The following CHST1 variants were observed in gnomAD, a reference collection of about 807,000 sequenced individuals.
The protein encoded by CHST1 is Keratan sulfotransferase.
In CHST1, 10 loss-of-function variants were observed where a neutral mutation model predicts 22.5. That is an observed-to-expected ratio of 0.44 (90% CI 0.27 to 0.75). The LOEUF (loss-of-function observed/expected upper bound fraction) is 0.75, where lower values mean the gene tolerates loss of function less well. Among genes scored for constraint, CHST1 ranks in the 30% least tolerant of loss-of-function variants. The probability of loss-of-function intolerance (pLI) is 0.15; values close to 1 mark genes in which losing one functional copy is unlikely to be tolerated. For missense variants in CHST1, 439 were observed against 576.1 expected, an observed-to-expected ratio of 0.76 and a Z score of 2.44; for synonymous variants, 267 against 264.5, an observed-to-expected ratio of 1.01 and a Z score of -0.09.
rs45598432 is a variant in CHST1, at chr11:45,654,765, A to G, written c.-226-2159T>C. Among the ~76,000 whole-genome samples the G allele has an allele frequency of 1.5e-3, 228 of 152,332 alleles. 1 individual carries two copies. Among genetic ancestry groups the G allele is most frequent in the Middle Eastern group, 3.4e-3 (1 of 294 alleles). On this transcript the variant is annotated intron_variant, in intron 1 of 3. Transcript: ENST00000308064. ...CTATCATTTCTGTTAGAAAGCAGGC[A>G]AGTTGGTGAGCTTTCACTCCCAGGA...
intron 1 of CHST1, among the ~76,000 whole-genome samples, chr11:45,654,929 G>C (rs1852043837): frequency 6.6e-6 from 1 of 152,226 alleles, no homozygotes; most frequent in East Asian, 1.9e-4. Context: ...CTCAGCAGGT[G>C]TGTGGGCGTG....
At chr11:45,656,283 C>G (rs1317138743) in intron 1 of CHST1, among the ~76,000 whole-genome samples, 1 of 152,218 alleles carries the variant, frequency 6.6e-6, no homozygotes, top group Non-Finnish European at 1.5e-5. Context: ...AAGCTTAACC[C>G]CTTCATTATT....
chr11:45,653,804 C>T, intron 1 of CHST1, among the ~76,000 whole-genome samples: 1 of 152,166 alleles, frequency 6.6e-6, no homozygotes, highest in Non-Finnish European at 1.5e-5. Flanking sequence ...GCTGGGCATT[C>T]ACAATGTTCC....
Position 45,648,827 on chromosome 11 carries a change from G to C in CHST1, c.*861C>G, listed in dbSNP as rs557271124. On this transcript the variant is annotated 3_prime_UTR_variant, in exon 4 of 4. Coordinates refer to ENST00000308064, the MANE Select transcript of CHST1 (RefSeq NM_003654.6). The stretch of plus-strand genomic sequence containing the variant: ...CCCAAAGCTAGGAACACCCAGACCC[G>C]GCTGAGGCCCTCTCGTACCCATTCA... 2 of 152,582 alleles carry C rather than the reference G, an allele frequency of 1.3e-5. No individual in the cohort carries two copies. Among genetic ancestry groups the C allele is most frequent in the Admixed American group, 6.5e-5 (1 of 15,296 alleles). 9.5% of individuals were successfully genotyped at this position (152,582 alleles called of 1,614,324 possible).
rs115858814 is a variant in CHST1, at chr11:45,648,198, C to T, written c.*1490G>A. Among the ~76,000 whole-genome samples the T allele has an allele frequency of 0.017, 2,655 of 152,278 alleles. 81 individuals are homozygous for T. Among genetic ancestry groups the T allele is most frequent in the African/African-American group, 0.059 (2,448 of 41,532 alleles). ...GCCACTGCCCTGAGGCACCCCACCCCTTGAAGTTTCCCCCTCCCTGGCTAT... is the reference window on the plus strand; with the variant it reads ...GCCACTGCCCTGAGGCACCCCACCCTTTGAAGTTTCCCCCTCCCTGGCTAT... On this transcript the variant is annotated 3_prime_UTR_variant, in exon 4 of 4. Transcript: ENST00000308064.
At chr11:45,663,083 T>A (rs981628999) in intron 1 of CHST1, among the ~76,000 whole-genome samples, 7 of 152,144 alleles carry the variant, frequency 4.6e-5, no homozygotes, top group African/African-American at 1.7e-4. Context: ...TGAACCAGAT[T>A]ATGAATATCA....
intron 1 of CHST1, among the ~76,000 whole-genome samples, chr11:45,659,305 C>G (rs1347027590): frequency 2.0e-5 from 3 of 152,140 alleles, no homozygotes; most frequent in Non-Finnish European, 4.4e-5. Flanking sequence ...AATCACAGAG[C>G]TAAAACCCCC....
Position 45,650,846 on chromosome 11 carries a change from G to A in CHST1, c.78C>T (p.Phe26=). Residue 26 remains phenylalanine (F), a synonymous_variant, in exon 4 of 4, where the codon TTC becomes TTT. Transcript: ENST00000308064. ...IAIQYTAIRT[F]TAKSFHTCPG... ...GGCAGGTGTGAAAGGACTTGGCGGT[G>A]AAGGTGCGGATGGCCGTGTACTGGA... 6.3e-7 allele frequency: 1 copy of A among 1,598,988 alleles called. No homozygotes were observed. The highest frequency in any genetic ancestry group is 8.5e-7 in the Non-Finnish European group (1 of 1,171,784).
In CHST1 at chr11:45,648,557, A is replaced by T. The variant is rs1851946579; in HGVS notation, c.*1131T>A. 6.6e-6 allele frequency among the ~76,000 whole-genome samples: 1 copy of T among 151,150 alleles called. No individual in the cohort carries two copies. Among genetic ancestry groups the T allele is most frequent in the South Asian group, 2.1e-4 (1 of 4,794 alleles). ...AAAAAAAAAAATAGCCAGGTGTGGC[A>T]GTGTGCACCTGTAGTCCCAGTCACT... is the stretch of plus-strand genomic sequence containing the variant. On this transcript the variant is annotated 3_prime_UTR_variant, in exon 4 of 4. Coordinates refer to ENST00000308064, the MANE Select transcript of CHST1 (RefSeq NM_003654.6).
At chr11:45,659,436 C>G (rs943912065) in intron 1 of CHST1, among the ~76,000 whole-genome samples, 3 of 152,118 alleles carry the variant, frequency 2.0e-5, no homozygotes, top group Non-Finnish European at 4.4e-5. Context: ...CACCCCCGAC[C>G]CAGATACTGG....
At chr11:45,657,556 G>A (rs1852077392) in intron 1 of CHST1, among the ~76,000 whole-genome samples, 1 of 152,212 alleles carries the variant, frequency 6.6e-6, no homozygotes, top group Non-Finnish European at 1.5e-5. Flanking sequence ...CTCTGTGCGT[G>A]TGCCACCATG....
intron 1 of CHST1, among the ~76,000 whole-genome samples, chr11:45,658,362 G>A (rs1031111974): frequency 1.3e-5 from 2 of 152,212 alleles, no homozygotes; most frequent in African/African-American, 4.8e-5. Flanking sequence ...TAAGAGCCAT[G>A]ACCATGATTT....
At chr11:45,663,318 A>T (rs954493060) in intron 1 of CHST1, among the ~76,000 whole-genome samples, 2 of 152,126 alleles carry the variant, frequency 1.3e-5, no homozygotes, top group Non-Finnish European at 2.9e-5. Flanking sequence ...CAGTGTCGTC[A>T]GCACCACCCT....
At chr11:45,660,425 C>G (rs1302979860) in intron 1 of CHST1, among the ~76,000 whole-genome samples, 9 of 152,154 alleles carry the variant, frequency 5.9e-5, no homozygotes, top group African/African-American at 2.2e-4. Flanking sequence ...TTTGTTGACC[C>G]TTTTTGTGTG....
rs747837712 is a variant in CHST1 at position 45,650,332 on chromosome 11, G to T, written c.592C>A (p.Arg198Ser). The T allele has an allele frequency of 1.1e-5, 18 of 1,603,360 alleles. No homozygotes were observed. Among genetic ancestry groups the T allele is most frequent in the South Asian group, 9.9e-5 (9 of 91,036 alleles). ...LNLTVAAEACRERSHVAIKTV... is the reference protein window; with the variant it reads ...LNLTVAAEACSERSHVAIKTV... ...TTGATGGCCACGTGGCTGCGCTCGC[G>T]GCACGCCTCGGCCGCCACGGTCAGG... is the stretch of plus-strand genomic sequence containing the variant. Residue 198 changes from arginine (R) to serine (S), a missense_variant, in exon 4 of 4, where the codon CGC becomes AGC. Transcript: ENST00000308064.
In CHST1 at chr11:45,649,815, G is replaced by A. The variant is rs1268953257; in HGVS notation, c.1109C>T (p.Ala370Val). The A allele has an allele frequency of 1.9e-6, 3 of 1,611,890 alleles. No individual in the cohort carries two copies. The highest frequency in any genetic ancestry group is 1.3e-5 in the African/African-American group (1 of 75,068). ...WRFRLSYDIV[A>V]FAQNACQQVL... ...CTGCTGGCAGGCGTTCTGGGCAAAG[G>A]CCACGATGTCGTAGGAGAGGCGGAA... Residue 370 changes from alanine to valine, a missense_variant, in exon 4 of 4, where the codon GCC (alanine) becomes GTC (valine). By Grantham distance (64) the Ala-to-Val change is moderately conservative. Transcript: ENST00000308064.
At chr11:45,655,587 C>T (rs1852052297) in intron 1 of CHST1, among the ~76,000 whole-genome samples, 1 of 152,256 alleles carries the variant, frequency 6.6e-6, no homozygotes, top group Non-Finnish European at 1.5e-5. Flanking sequence ...CACGCCCACC[C>T]GGGCTGCGGC....
rs3740702 is a variant in CHST1 at position 45,648,845 on chromosome 11, C to T, written c.*843G>A. On this transcript the variant is annotated 3_prime_UTR_variant, in exon 4 of 4. Transcript: ENST00000308064. ...CAGACCCGGCTGAGGCCCTCTCGTA[C>T]CCATTCAGAATGTCCTGCAATCACA... 0.088 allele frequency: 13,419 copies of T among 152,636 alleles called. 869 individuals are homozygous for T. The highest frequency in any genetic ancestry group is 0.31 in the East Asian group (1,625 of 5,170). The allele number at this position is 152,636 out of a possible 1,614,324, so 9.5% of individuals were successfully genotyped here. A position where few individuals can be genotyped will look rare whatever the true frequency, so the allele number is the denominator to read the frequency against.
At chr11:45,657,716 G>A (rs767555555) in intron 1 of CHST1, among the ~76,000 whole-genome samples, 7 of 152,170 alleles carry the variant, frequency 4.6e-5, no homozygotes, top group African/African-American at 7.2e-5. Context: ...GTCCAGACTC[G>A]GCCTCTGTGG....
Sources: gnomAD v4.1 joint callset for allele counts (sites outside exome capture counted in the v4.1 genomes callset) on GRCh38, gnomAD v4.1.1 for gene constraint, MANE v1.5 for transcripts, NCBI Gene and HGNC (gene_info 2026-07-23, HGNC 2026-07-21) for gene names.